PPP3R1: variants seen among roughly 807,000 people sequenced by gnomAD.
PPP3R1 encodes protein phosphatase 3 regulatory subunit B, alpha.
PPP3R1 carries 5 observed loss-of-function variants against 22.6 expected under a neutral mutation model. The ratio of observed to expected loss-of-function variants is 0.22; its 90% confidence interval spans 0.12 to 0.46. The LOEUF (loss-of-function observed/expected upper bound fraction) is 0.46, where lower values mean the gene tolerates loss of function less well. Among genes scored for constraint, PPP3R1 ranks in the 20% least tolerant of loss-of-function variants. PPP3R1 has a pLI of 0.99. For missense variants in PPP3R1, 61 were observed against 203.2 expected, an observed-to-expected ratio of 0.30 and a Z score of 4.25; for synonymous variants, 56 against 65.2, an observed-to-expected ratio of 0.86 and a Z score of 0.68.
chr2:68,219,326 T>A (rs912372260), intron 1 of PPP3R1, among the ~76,000 whole-genome samples: 2 of 152,196 alleles, frequency 1.3e-5, no homozygotes, highest in Admixed American at 6.5e-5. Flanking sequence ...AATATAAAGA[T>A]AATTTTGTCA....
chr2:68,250,675 T>C (rs1235837907), intron 1 of PPP3R1, among the ~76,000 whole-genome samples: 1 of 152,262 alleles, frequency 6.6e-6, no homozygotes, highest in Non-Finnish European at 1.5e-5. Context: ...GTTGCCTCTC[T>C]GAGCTGCCTC....
chr2:68,187,441 TA>T (rs1432975691), intron 3 of PPP3R1, 127 bp from the exon 4 acceptor site: 2 of 791,022 alleles, frequency 2.5e-6, no homozygotes, highest in African/African-American at 3.5e-5. Context: ...TAGCAACGTT[TA>T]AAAATAAAAT....
At position 68,215,647 on chromosome 2, in the gene PPP3R1, T is replaced by C. The variant is rs552324441; in HGVS notation, c.43+1445A>G. On this transcript the variant is annotated intron_variant, in intron 2 of 5. Transcript: ENST00000234310. Reference sequence around the variant, plus strand: ...ACCTGTGAGTTTTACAGTTTCTACATAGCAGAAAGTTTGAATAGTATTGAA... The same window carrying C: ...ACCTGTGAGTTTTACAGTTTCTACACAGCAGAAAGTTTGAATAGTATTGAA... 3.9e-5 allele frequency among the ~76,000 whole-genome samples: 6 copies of C among 152,300 alleles called. No individual in the cohort carries two copies. The East Asian group carries it at 5.8e-4, about 15-fold the overall frequency.
intron 2 of PPP3R1, among the ~76,000 whole-genome samples, chr2:68,214,251 C>T (rs1265476620): frequency 6.6e-6 from 1 of 152,024 alleles, no homozygotes; most frequent in Non-Finnish European, 1.5e-5. Context: ...GACAAAGACG[C>T]CAAAAGCAAT....
chr2:68,228,486 C>T (rs936204590), intron 1 of PPP3R1, among the ~76,000 whole-genome samples: 4 of 152,064 alleles, frequency 2.6e-5, no homozygotes, highest in Non-Finnish European at 4.4e-5. Flanking sequence ...GTCATAGTAA[C>T]CCCTTATCTT....
intron 2 of PPP3R1, among the ~76,000 whole-genome samples, chr2:68,196,294 A>AC (rs1674771903): frequency 6.7e-6 from 1 of 150,278 alleles, no homozygotes; most frequent in African/African-American, 2.5e-5. Context: ...TTTTCATGTG[A>AC]CCCCAATGAG....
chr2:68,204,767 A>G (rs1329438044), intron 2 of PPP3R1, among the ~76,000 whole-genome samples: 1 of 152,238 alleles, frequency 6.6e-6, no homozygotes, highest in Non-Finnish European at 1.5e-5. Flanking sequence ...GGTTTTCCCA[A>G]AGGTATACAG....
At chr2:68,227,116 T>C (rs1399020025) in intron 1 of PPP3R1, among the ~76,000 whole-genome samples, 1 of 152,114 alleles carries the variant, frequency 6.6e-6, no homozygotes, top group African/African-American at 2.4e-5. Context: ...CTATAAAGTT[T>C]ATTTTTATTC....
At chr2:68,240,879 G>T (rs1302063025) in intron 1 of PPP3R1, among the ~76,000 whole-genome samples, 3 of 152,154 alleles carry the variant, frequency 2.0e-5, no homozygotes, top group Non-Finnish European at 4.4e-5. Context: ...GAGAGTCTTG[G>T]ACCAAACCTA....
intron 2 of PPP3R1, among the ~76,000 whole-genome samples, chr2:68,215,446 G>A (rs1669562443): frequency 6.6e-6 from 1 of 152,144 alleles, no homozygotes. Context: ...TCGGGCTCCA[G>A]AGCATTGCAC....
chr2:68,231,027 C>T (rs1005675371), intron 1 of PPP3R1, among the ~76,000 whole-genome samples: 1 of 152,166 alleles, frequency 6.6e-6, no homozygotes, highest in Non-Finnish European at 1.5e-5. Flanking sequence ...ATGTCTTTTG[C>T]CAAATTCGCA....
At chr2:68,194,088 T>G (rs1368065492) in intron 2 of PPP3R1, among the ~76,000 whole-genome samples, 1 of 152,090 alleles carries the variant, frequency 6.6e-6, no homozygotes, top group Non-Finnish European at 1.5e-5. Flanking sequence ...GCCTTAACAG[T>G]TGAAAATGCC....
intron 1 of PPP3R1, among the ~76,000 whole-genome samples, chr2:68,236,959 T>C (rs1481899645): frequency 6.6e-6 from 1 of 152,206 alleles, no homozygotes; most frequent in African/African-American, 2.4e-5. Context: ...GGGGCAGCCC[T>C]CTGCTGACAT....
At chr2:68,237,009 T>C (rs1011940908) in intron 1 of PPP3R1, among the ~76,000 whole-genome samples, 1 of 152,168 alleles carries the variant, frequency 6.6e-6, no homozygotes, top group African/African-American at 2.4e-5. Flanking sequence ...ATGTTCTTGA[T>C]GAAACTGAAC....
chr2:68,186,432 C>A, intron 5 of PPP3R1, 36 bp downstream of exon 5: 1 of 1,539,736 alleles, frequency 6.5e-7, no homozygotes, highest in African/African-American at 1.4e-5. Flanking sequence ...GTTGCTGAAA[C>A]ATAACTAACG....
At chr2:68,223,887 A>T (rs1214940936) in intron 1 of PPP3R1, among the ~76,000 whole-genome samples, 1 of 152,164 alleles carries the variant, frequency 6.6e-6, no homozygotes, top group Non-Finnish European at 1.5e-5. Flanking sequence ...TTGTGTATGT[A>T]CATAAATCCT....
chr2:68,184,312 C>T (rs971399757), intron 5 of PPP3R1, among the ~76,000 whole-genome samples: 3 of 152,338 alleles, frequency 2.0e-5, no homozygotes, highest in African/African-American at 7.2e-5. Context: ...GCTTGTTTCT[C>T]AGATTTCCAA....
At chr2:68,236,502 C>T (rs1211103376) in intron 1 of PPP3R1, among the ~76,000 whole-genome samples, 2 of 152,082 alleles carry the variant, frequency 1.3e-5, no homozygotes, top group Non-Finnish European at 2.9e-5. Context: ...TTCGGGGAGA[C>T]GATAACCTTC....
intron 1 of PPP3R1, among the ~76,000 whole-genome samples, chr2:68,241,766 C>T (rs1670142033): frequency 6.7e-6 from 1 of 149,510 alleles, no homozygotes; most frequent in Non-Finnish European, 1.5e-5. Context: ...ATCACTTGAA[C>T]ATGGAAGGTG....
Sources: gnomAD v4.1 joint callset for allele counts (sites outside exome capture counted in the v4.1 genomes callset) on GRCh38, gnomAD v4.1.1 for gene constraint, MANE v1.5 for transcripts, NCBI Gene and HGNC (gene_info 2026-07-23, HGNC 2026-07-21) for gene names.